The following CRACD variants were observed in gnomAD, a reference collection of about 807,000 sequenced individuals.
CRACD encodes the protein capping protein inhibiting regulator of actin dynamics, also known as capping protein-inhibiting regulator of actin dynamics.
A neutral mutation model predicts 106.8 loss-of-function variants in CRACD; 56 were observed. That is an observed-to-expected ratio of 0.52 (90% CI 0.42 to 0.66). The LOEUF (loss-of-function observed/expected upper bound fraction) is 0.66, where lower values mean the gene tolerates loss of function less well. CRACD is among the 30% of genes least tolerant of loss of function. The pLI is 0.00. For missense variants in CRACD, 1,730 were observed against 1,623.2 expected (o/e 1.07, Z -1.13); for synonymous variants, 754 against 670.8 (o/e 1.12, Z -1.92).
chr4:56,299,896 T>C (rs1253376096), intron 4 of CRACD, among the ~76,000 whole-genome samples: 2 of 150,782 alleles, frequency 1.3e-5, no homozygotes, highest in African/African-American at 4.9e-5. Context: ...GCTACTGATA[T>C]GCTGAAGCAC....
chr4:56,061,945 G>A (rs1732292598), intron 1 of CRACD, among the ~76,000 whole-genome samples: 1 of 152,190 alleles, frequency 6.6e-6, no homozygotes, highest in South Asian at 2.1e-4. Flanking sequence ...CACCAACGTG[G>A]TTGTTGATGG....
intron 2 of CRACD, among the ~76,000 whole-genome samples, chr4:56,181,644 G>A (rs1269256143): frequency 6.6e-6 from 1 of 152,182 alleles, no homozygotes; most frequent in Non-Finnish European, 1.5e-5. Flanking sequence ...TGCTCCCTGT[G>A]AGACACATCA....
At chr4:56,287,002 G>T (rs111396108) in intron 3 of CRACD, among the ~76,000 whole-genome samples, 64 of 152,260 alleles carry the variant, frequency 4.2e-4, no homozygotes, top group African/African-American at 1.5e-3. Context: ...CCAGGCCTCC[G>T]CTGAGTTTCC....
intron 2 of CRACD, among the ~76,000 whole-genome samples, chr4:56,196,638 ACTC>A (rs1737625121): frequency 6.6e-6 from 1 of 151,860 alleles, no homozygotes; most frequent in South Asian, 2.1e-4. Flanking sequence ...TCTGCACTAA[ACTC>A]CTTTTAGGCT....
chr4:56,316,435 C>A lies in CRACD; in HGVS notation c.2933C>A (p.Ser978Tyr), dbSNP rs1428271248. ...TSQTPPASPLSKLSRPYLVEL... is the reference protein window; with the variant it reads ...TSQTPPASPLYKLSRPYLVEL... ...CAGACCCCACCAGCATCCCCACTTT[C>A]CAAACTGAGCAGGCCCTACTTGGTA... Residue 978 changes from serine to tyrosine, a missense_variant, in exon 8 of 11, where the codon TCC becomes TAC. This residue lies in a region of CRACD where 1,620 missense variants were observed against 1,481.6 expected (regional missense o/e 1.09). Coordinates refer to ENST00000682029, the MANE Select transcript of CRACD (RefSeq NM_001393381.1). 1 of 1,614,012 alleles carries A rather than the reference C, an allele frequency of 6.2e-7. No individual in the cohort carries two copies. The highest frequency in any genetic ancestry group is 1.3e-5 in the African/African-American group (1 of 74,940).
At chr4:56,074,734 T>C (rs899103008) in intron 1 of CRACD, among the ~76,000 whole-genome samples, 4 of 151,978 alleles carry the variant, frequency 2.6e-5, no homozygotes, top group African/African-American at 9.7e-5. Flanking sequence ...TGAATAGGAG[T>C]GGTGAGAGAG....
At chr4:56,116,151 A>G (rs976805349) in intron 1 of CRACD, among the ~76,000 whole-genome samples, 1 of 152,182 alleles carries the variant, frequency 6.6e-6, no homozygotes, top group Admixed American at 6.5e-5. Context: ...CTTCTTTCTC[A>G]TGTGGATATG....
intron 2 of CRACD, among the ~76,000 whole-genome samples, chr4:56,259,114 G>C (rs1250792831): frequency 1.3e-5 from 2 of 152,078 alleles, no homozygotes; most frequent in Non-Finnish European, 2.9e-5. Context: ...TGCCTTTAAG[G>C]GTACTGCTTC....
chr4:56,272,760 T>C (rs1264984544), intron 3 of CRACD, among the ~76,000 whole-genome samples: 1 of 152,064 alleles, frequency 6.6e-6, no homozygotes, highest in Admixed American at 6.5e-5. Flanking sequence ...CCAGGTATGG[T>C]GGTGTACACC....
At chr4:56,280,151 G>A (rs1742942635) in intron 3 of CRACD, among the ~76,000 whole-genome samples, 1 of 114,694 alleles carries the variant, frequency 8.7e-6, no homozygotes, top group African/African-American at 3.3e-5. Flanking sequence ...TGTGGGGTGG[G>A]GGGAGGGGGG....
intron 1 of CRACD, among the ~76,000 whole-genome samples, chr4:56,056,439 A>C (rs1732065329): frequency 6.6e-6 from 1 of 152,168 alleles, no homozygotes; most frequent in South Asian, 2.1e-4. Context: ...TGCTGGTCCC[A>C]TGTGGCTAGT....
At position 56,242,688 on chromosome 4, in the gene CRACD, C is replaced by T. The variant is rs574534828; in HGVS notation, c.-188-29633C>T. ...ACAGGGATTTTAGGAGAAAACCTGT[C>T]CATGGAGCACTTGAACCCCATTTTC... On this transcript the variant is annotated intron_variant, in intron 2 of 10. Transcript: ENST00000682029. 4.6e-5 allele frequency among the ~76,000 whole-genome samples: 7 copies of T among 152,192 alleles called. No individual in the cohort carries two copies. In the South Asian group the frequency reaches 1.5e-3, roughly 32 times the overall value.
In CRACD at chr4:56,316,676, G is replaced by T; in HGVS notation, c.3174G>T (p.Glu1058Asp). Residue 1058 changes from glutamate to aspartate, a missense_variant, in exon 8 of 11, where the codon GAG (glutamate) becomes GAT (aspartate). Glu to Asp is a conservative substitution (Grantham distance 45). This residue lies in a region of CRACD where 1,620 missense variants were observed against 1,481.6 expected (regional missense o/e 1.09). Coordinates refer to ENST00000682029, the MANE Select transcript of CRACD (RefSeq NM_001393381.1). ...TQQEKPSQTP[E>D]AGRKEKPMLQ... ...AAGAGAAACCTTCTCAAACACCCGA[G>T]GCCGGGAGGAAAGGTAGGTAGCTGC... 6.2e-7 allele frequency: 1 copy of T among 1,608,250 alleles called. No individual in the cohort carries two copies. The highest frequency in any genetic ancestry group is 8.5e-7 in the Non-Finnish European group (1 of 1,176,322).
chr4:56,076,632 A>G lies in CRACD; in HGVS notation c.-336+27333A>G, dbSNP rs188584230. Among the ~76,000 whole-genome samples, 5 of 152,336 alleles carry G rather than the reference A, an allele frequency of 3.3e-5. No homozygotes were observed. In the East Asian group the frequency reaches 5.8e-4, roughly 18 times the overall value. ...TGCATATCATTCCCTCTGCCTGGAA[A>G]GACAGGTCCCTACCCCTGCATGCCA... On this transcript the variant is annotated intron_variant, in intron 1 of 10. Transcript: ENST00000682029.
At position 56,314,315 on chromosome 4, in the gene CRACD, G is replaced by A. The variant is rs1466316408; in HGVS notation, c.813G>A (p.Glu271=). The A allele has an allele frequency of 1.7e-5, 27 of 1,552,302 alleles. No homozygotes were observed. The highest frequency in any genetic ancestry group is 1.8e-4 in the Middle Eastern group (1 of 5,552). ...AGAACAGAAGGCAGGAGCTCTTGGA[G>A]GAGGAGGGCGAGGGGCAGGAGCCGC... The part of the protein sequence containing the change: ...WEENRRQELL[E]EEGEGQEPPL... Residue 271 remains glutamate, a synonymous_variant, in exon 8 of 11, where the codon GAG becomes GAA. Coordinates refer to ENST00000682029, the MANE Select transcript of CRACD (RefSeq NM_001393381.1). The surrounding 1 kb of genome is among the most constrained non-coding windows in gnomAD (Gnocchi z 4.4).
chr4:56,175,013 G>T (rs1421478367), intron 1 of CRACD, among the ~76,000 whole-genome samples: 1 of 152,088 alleles, frequency 6.6e-6, no homozygotes, highest in Non-Finnish European at 1.5e-5. Context: ...TCACTATCAC[G>T]AGAACAGCAT....
In CRACD at chr4:56,314,848, G is replaced by T; in HGVS notation, c.1346G>T (p.Gly449Val). The change falls in exon 8 of 11, where the codon GGT (glycine) becomes GTT (valine). Residue 449 changes from glycine to valine, a missense_variant. Coordinates refer to ENST00000682029, the MANE Select transcript of CRACD (RefSeq NM_001393381.1). This position sits in a 1 kb window ranked among gnomAD's most constrained non-coding sequence, Gnocchi z 4.4. Reference protein sequence around the residue: ...EGQREHSEEPGICEEQNPEAE... With the variant: ...EGQREHSEEPVICEEQNPEAE... Reference sequence around the variant, plus strand: ...CAAAGAGAACACTCCGAGGAGCCAGGTATTTGCGAGGAGCAGAACCCAGAG... The same window carrying T: ...CAAAGAGAACACTCCGAGGAGCCAGTTATTTGCGAGGAGCAGAACCCAGAG... 2 of 1,611,912 alleles carry T rather than the reference G, an allele frequency of 1.2e-6. No individual in the cohort carries two copies. The highest frequency in any genetic ancestry group is 1.7e-6 in the Non-Finnish European group (2 of 1,179,470).
chr4:56,246,203 A>G (rs1217847233), intron 2 of CRACD, among the ~76,000 whole-genome samples: 2 of 152,180 alleles, frequency 1.3e-5, no homozygotes, highest in African/African-American at 2.4e-5. Flanking sequence ...CCATTTTTCT[A>G]TCCTCTGAAA....
At chr4:56,230,418 A>G (rs1230928431) in intron 2 of CRACD, among the ~76,000 whole-genome samples, 1 of 152,210 alleles carries the variant, frequency 6.6e-6, no homozygotes, top group African/African-American at 2.4e-5. Flanking sequence ...GAGCACTGCT[A>G]TCTGTCTGTG....
Sources: allele counts gnomAD v4.1 joint callset (sites outside exome capture counted in the v4.1 genomes callset), GRCh38; gene constraint gnomAD v4.1.1; regional missense constraint gnomAD v4.1.1; non-coding constraint Gnocchi (gnomAD v3.1); transcripts MANE v1.5; gene names NCBI Gene and HGNC (gene_info 2026-07-23, HGNC 2026-07-21).